PRR5L: variants seen among roughly 807,000 people sequenced by gnomAD.
PRR5L encodes proline-rich protein 5-like.
A neutral mutation model predicts 36.4 loss-of-function variants in PRR5L; 21 were observed. The observed-to-expected ratio is 0.58, with a 90% CI of 0.41 to 0.83. PRR5L has a LOEUF of 0.83. Among genes scored for constraint, PRR5L ranks in the 40% least tolerant of loss-of-function variants. PRR5L has a pLI of 0.00. For missense variants in PRR5L, 381 were observed against 473.3 expected (o/e 0.80, Z 1.81); for synonymous variants, 188 against 197.0 (o/e 0.95, Z 0.38).
In PRR5L at chr11:36,296,368, G is replaced by A. The variant is rs1372138352; in HGVS notation, c.-196G>A. The A allele has an allele frequency of 6.6e-6, 1 of 152,162 alleles. No homozygotes were observed. The highest frequency in any genetic ancestry group is 1.5e-5 in the Non-Finnish European group (1 of 68,076). 9.4% of individuals were successfully genotyped at this position (152,162 alleles called of 1,614,324 possible). On this transcript the variant is annotated 5_prime_UTR_variant, in exon 1 of 9. Transcript: ENST00000530639. The stretch of plus-strand genomic sequence containing the variant: ...CGTTGGAACATCCCCTTCTCGGGAG[G>A]CTGGAAGGCCATGGTCATTCACCTC...
At chr11:36,299,697 T>C (rs1856353122) in intron 1 of PRR5L, among the ~76,000 whole-genome samples, 1 of 152,160 alleles carries the variant, frequency 6.6e-6, no homozygotes, top group South Asian at 2.1e-4. Context: ...GGTTAACGAA[T>C]TCACCCAAAA....
intron 8 of PRR5L, among the ~76,000 whole-genome samples, chr11:36,459,718 T>A (rs1859139089): frequency 6.6e-6 from 1 of 152,236 alleles, no homozygotes; most frequent in Non-Finnish European, 1.5e-5. Context: ...CGAACATTCT[T>A]AAGTGCTATC....
intron 1 of PRR5L, among the ~76,000 whole-genome samples, chr11:36,336,711 T>G (rs1350015374): frequency 6.6e-6 from 1 of 152,116 alleles, no homozygotes; most frequent in Admixed American, 6.6e-5. Context: ...TTTTCTAAGA[T>G]GTGTTATAAA....
At chr11:36,426,422 T>A (rs1858383724) in intron 4 of PRR5L, among the ~76,000 whole-genome samples, 1 of 152,270 alleles carries the variant, frequency 6.6e-6, no homozygotes, top group African/African-American at 2.4e-5. Flanking sequence ...GGTGGAATCA[T>A]GGGAACTACT....
chr11:36,324,428 G>A (rs1241063700), intron 1 of PRR5L, among the ~76,000 whole-genome samples: 2 of 152,190 alleles, frequency 1.3e-5, no homozygotes, highest in Non-Finnish European at 2.9e-5. Context: ...AACAGGAGGT[G>A]CTGGAAACGC....
chr11:36,403,463 GT>G (rs34764114), intron 3 of PRR5L, 85 bp downstream of exon 3: 78,330 of 629,524 alleles, frequency 0.12, 1 homozygote, highest in East Asian at 0.16. Context: ...AGCCTTAAGG[GT>G]TTTTTTTTTT....
intron 6 of PRR5L, among the ~76,000 whole-genome samples, chr11:36,442,751 G>C (rs1858749255): frequency 6.6e-6 from 1 of 152,180 alleles, no homozygotes; most frequent in South Asian, 2.1e-4. Flanking sequence ...GCATAAAAAG[G>C]GTGATTTTTA....
intron 1 of PRR5L, among the ~76,000 whole-genome samples, chr11:36,325,026 C>T (rs1382038197): frequency 1.3e-5 from 2 of 152,194 alleles, no homozygotes; most frequent in African/African-American, 4.8e-5. Context: ...TGGTGGGCTG[C>T]TTCCAAAATG....
chr11:36,431,123 C>T (rs947307419), intron 4 of PRR5L, among the ~76,000 whole-genome samples: 1 of 152,156 alleles, frequency 6.6e-6, no homozygotes, highest in Non-Finnish European at 1.5e-5. Flanking sequence ...GGTGGGAAGA[C>T]TTGCTGGAAG....
intron 3 of PRR5L, among the ~76,000 whole-genome samples, chr11:36,411,167 T>C (rs887090477): frequency 3.9e-5 from 6 of 152,196 alleles, no homozygotes; most frequent in Admixed American, 6.5e-5. Context: ...TTTCTCTGTG[T>C]GCAAGGCAGA....
At chr11:36,325,503 G>T (rs1319973163) in intron 1 of PRR5L, among the ~76,000 whole-genome samples, 1 of 152,102 alleles carries the variant, frequency 6.6e-6, no homozygotes, top group Admixed American at 6.5e-5. Context: ...GAGGGTAGCC[G>T]TTGCTGGCTT....
At chr11:36,443,394 G>A (rs961113983) in intron 6 of PRR5L, among the ~76,000 whole-genome samples, 2 of 152,118 alleles carry the variant, frequency 1.3e-5, no homozygotes, top group Non-Finnish European at 2.9e-5. Context: ...CTATAACACT[G>A]GAGAAAACAT....
chr11:36,299,085 G>A (rs1426592582), intron 1 of PRR5L, among the ~76,000 whole-genome samples: 2 of 152,204 alleles, frequency 1.3e-5, no homozygotes, highest in Non-Finnish European at 2.9e-5. Flanking sequence ...AGTGCTGTCA[G>A]CTTTTCTCTG....
chr11:36,421,532 T>A (rs1019248529), intron 4 of PRR5L, among the ~76,000 whole-genome samples: 2 of 152,110 alleles, frequency 1.3e-5, no homozygotes, highest in African/African-American at 4.8e-5. Context: ...CTAGATACAG[T>A]TTTGTTTTTT....
chr11:36,417,171 G>T (rs1858162534), intron 3 of PRR5L, among the ~76,000 whole-genome samples: 1 of 152,168 alleles, frequency 6.6e-6, no homozygotes, highest in Non-Finnish European at 1.5e-5. Flanking sequence ...GAGTACCCAA[G>T]ATATCTCCTT....
At chr11:36,379,059 TTGGG>T (rs1382688443) in intron 1 of PRR5L, among the ~76,000 whole-genome samples, 1 of 152,196 alleles carries the variant, frequency 6.6e-6, no homozygotes, top group East Asian at 1.9e-4. Context: ...GGCTCAGTTA[TTGGG>T]GAAAAAAGCC....
rs148376692 is a variant in PRR5L at position 36,400,959 on chromosome 11, G to T, written c.-125-38G>T. On this transcript the variant is annotated intron_variant, in intron 1 of 8. Coordinates refer to ENST00000530639, the MANE Select transcript of PRR5L (RefSeq NM_001160167.2). ...AACTTCCTCTAAGAGGTGTTCTCAG[G>T]CCAGGAGTTCTCAATAAAAGCTTCC... is the stretch of plus-strand genomic sequence containing the variant. 10 of 1,418,298 alleles carry T rather than the reference G, an allele frequency of 7.1e-6. No homozygotes were observed. The African/African-American group carries it at 1.2e-4, about 16-fold the overall frequency. 87.9% of individuals were successfully genotyped at this position (1,418,298 alleles called of 1,614,324 possible).
chr11:36,343,002 T>A (rs1856831450), intron 1 of PRR5L, among the ~76,000 whole-genome samples: 1 of 152,186 alleles, frequency 6.6e-6, no homozygotes, highest in South Asian at 2.1e-4. Flanking sequence ...AACAATTTGA[T>A]GTTTCGAGGA....
intron 6 of PRR5L, among the ~76,000 whole-genome samples, chr11:36,437,844 T>G (rs331481): frequency 6.6e-6 from 1 of 152,172 alleles, no homozygotes; most frequent in African/African-American, 2.4e-5. Context: ...TCTCTCCCCC[T>G]ACTTTTTTTT....
Sources: gnomAD v4.1 joint callset for allele counts (sites outside exome capture counted in the v4.1 genomes callset) on GRCh38, gnomAD v4.1.1 for gene constraint, MANE v1.5 for transcripts, NCBI Gene and HGNC (gene_info 2026-07-23, HGNC 2026-07-21) for gene names.